Variants in TRPC5 observed in about 807,000 individuals in gnomAD.
The protein encoded by TRPC5 is short transient receptor potential channel 5.
Under a neutral mutation model 56.5 loss-of-function variants are expected in TRPC5, and 9 were observed. The ratio of observed to expected loss-of-function variants is 0.16; its 90% confidence interval spans 0.10 to 0.28. TRPC5 has a LOEUF of 0.28. TRPC5 is among the 10% of genes least tolerant of loss of function. The pLI, the probability that TRPC5 is intolerant of heterozygous loss-of-function variation, is 1.00. For missense variants in TRPC5, 469 were observed against 748.9 expected (o/e 0.63, Z 4.36); for synonymous variants, 282 against 278.5 (o/e 1.01, Z -0.13).
intron 7 of TRPC5, among the ~76,000 whole-genome samples, chrX:111,786,209 C>T (rs368668630): frequency 1.6e-3 from 182 of 111,582 alleles, no homozygotes; most frequent in African/African-American, 5.5e-3. Context: ...AGACTAACAA[C>T]GGACCTCTCG....
In TRPC5 at chrX:111,773,501, C is replaced by T. The variant is rs1232738373; in HGVS notation, c.*2812G>A. Among the ~76,000 whole-genome samples, 2 of 111,737 alleles carry T rather than the reference C, an allele frequency of 1.8e-5. No individual in the cohort carries two copies. The highest frequency in any genetic ancestry group is 3.8e-5 in the Non-Finnish European group (2 of 53,123). Reference sequence around the variant, plus strand: ...ACTTTGCAGTACATTTTTAACTTCACATTTAAATATGTAAGTCTGAAGTTT... The same window carrying T: ...ACTTTGCAGTACATTTTTAACTTCATATTTAAATATGTAAGTCTGAAGTTT... On this transcript the variant is annotated 3_prime_UTR_variant, in exon 11 of 11. Transcript: ENST00000262839.
At position 111,768,295 on chromosome X, in the gene TRPC5, T is replaced by TA. The variant is rs1945824898; in HGVS notation, c.*8017dup. Among the ~76,000 whole-genome samples the TA allele has an allele frequency of 8.9e-6, 1 of 112,117 alleles. No individual in the cohort carries two copies. The highest frequency in any genetic ancestry group is 3.2e-5 in the African/African-American group (1 of 30,918). On this transcript the variant is annotated 3_prime_UTR_variant, in exon 11 of 11. Transcript: ENST00000262839. ...ATTTGACACACTTTCTATATGGTGA[T>TA]ATGTGGTTGGGGCTGCCAACTAGGC... is the stretch of plus-strand genomic sequence containing the variant.
At chrX:111,786,265 AT>A (rs1164936152) in intron 7 of TRPC5, among the ~76,000 whole-genome samples, 5 of 111,553 alleles carry the variant, frequency 4.5e-5, no homozygotes, top group African/African-American at 1.3e-4. Context: ...AATATTCAAC[AT>A]TCTGAAAGAA....
chrX:112,048,946 A>G (rs1363956245), intron 1 of TRPC5, among the ~76,000 whole-genome samples: 1 of 112,103 alleles, frequency 8.9e-6, no homozygotes, highest in Non-Finnish European at 1.9e-5. Context: ...GTGGCCAATG[A>G]GTTTGGGTCA....
chrX:111,991,869 G>A (rs1465385917), intron 1 of TRPC5, among the ~76,000 whole-genome samples: 1 of 111,782 alleles, frequency 8.9e-6, no homozygotes, highest in Non-Finnish European at 1.9e-5. Flanking sequence ...AAGATCCCTA[G>A]GGTTTCAGGC....
intron 7 of TRPC5, among the ~76,000 whole-genome samples, chrX:111,793,798 C>A (rs1245876825): frequency 8.9e-6 from 1 of 111,824 alleles, no homozygotes; most frequent in Non-Finnish European, 1.9e-5. Context: ...TGAAAATAAC[C>A]CAAATGTCTA....
intron 2 of TRPC5, among the ~76,000 whole-genome samples, chrX:111,937,152 G>T (rs1180219001): frequency 5.6e-5 from 6 of 106,407 alleles, no homozygotes; most frequent in Non-Finnish European, 1.2e-4. Flanking sequence ...CTTTTGAGAA[G>T]TGTCTGTTCA....
chrX:111,847,742 G>A (rs758130341), intron 5 of TRPC5, among the ~76,000 whole-genome samples: 2 of 111,880 alleles, frequency 1.8e-5, no homozygotes, highest in Non-Finnish European at 3.8e-5. Context: ...TTTTCTAACT[G>A]TGGGTTTAAC....
At chrX:111,983,550 T>C (rs964739690) in intron 1 of TRPC5, among the ~76,000 whole-genome samples, 1 of 111,847 alleles carries the variant, frequency 8.9e-6, no homozygotes, top group African/African-American at 3.3e-5. Flanking sequence ...TCATAAATTT[T>C]CTAATCATGT....
At chrX:112,041,849 T>C (rs1229725788) in intron 1 of TRPC5, among the ~76,000 whole-genome samples, 1 of 111,788 alleles carries the variant, frequency 8.9e-6, no homozygotes, top group Non-Finnish European at 1.9e-5. Flanking sequence ...TATAGCTCTG[T>C]AGTAGGAAAG....
At chrX:111,927,631 G>A (rs187869844) in intron 2 of TRPC5, among the ~76,000 whole-genome samples, 1 of 110,935 alleles carries the variant, frequency 9.0e-6, no homozygotes, top group East Asian at 2.8e-4. Context: ...GGTCATTATG[G>A]AGACTGCCTC....
At chrX:111,874,298 C>G (rs115750102) in intron 3 of TRPC5, among the ~76,000 whole-genome samples, 6,083 of 112,097 alleles carry the variant, frequency 0.054, 407 homozygotes, top group African/African-American at 0.19. Context: ...ATAATGAAGT[C>G]AAGAGACTTT....
At chrX:111,905,766 T>A (rs1194145673) in intron 3 of TRPC5, among the ~76,000 whole-genome samples, 12 of 109,004 alleles carry the variant, frequency 1.1e-4, no homozygotes, top group Non-Finnish European at 1.9e-4. Flanking sequence ...TACAAAAAAA[T>A]TAGCTGGGCG....
At chrX:111,920,664 G>C (rs773891639) in intron 2 of TRPC5, among the ~76,000 whole-genome samples, 1 of 111,254 alleles carries the variant, frequency 9.0e-6, no homozygotes, top group African/African-American at 3.3e-5. Context: ...CTGAGCGGGG[G>C]GTATTTACAT....
chrX:111,882,013 T>C (rs1924247571), intron 3 of TRPC5: 1 of 109,462 alleles, frequency 9.1e-6, no homozygotes, highest in South Asian at 4.0e-4. Flanking sequence ...TGCAGTGTGG[T>C]AAGGTAGGTA....
intron 1 of TRPC5, among the ~76,000 whole-genome samples, chrX:111,983,374 A>C (rs989260043): frequency 3.6e-5 from 4 of 111,554 alleles, no homozygotes; most frequent in African/African-American, 1.3e-4. Flanking sequence ...GGCTGAGTAA[A>C]GAGCCTGACT....
At position 111,839,710 on chromosome X, in the gene TRPC5, A is replaced by ATATT. The variant is rs910517688; in HGVS notation, c.1701-4598_1701-4595dup. On this transcript the variant is annotated intron_variant, in intron 6 of 10. Coordinates refer to ENST00000262839, the MANE Select transcript of TRPC5 (RefSeq NM_012471.3). The stretch of plus-strand genomic sequence containing the variant: ...CATATACTTTTTCATTTTTATTTTT[A>ATATT]TATTTATTTATTTATTTATTTTTAG... 2.0e-4 allele frequency among the ~76,000 whole-genome samples: 22 copies of ATATT among 110,555 alleles called. No individual in the cohort carries two copies. The East Asian group carries it at 5.7e-3, about 28-fold the overall frequency.
rs917710664 is a variant in TRPC5, at chrX:111,940,041, T to C, written c.378+12002A>G. On this transcript the variant is annotated intron_variant, in intron 2 of 10. Coordinates refer to ENST00000262839, the MANE Select transcript of TRPC5 (RefSeq NM_012471.3). Reference sequence around the variant, plus strand: ...TTATAGCTATAAACTTTCCTTTTAGTAGTGCCTTCCTTGTATCCTATAAAT... The same window carrying C: ...TTATAGCTATAAACTTTCCTTTTAGCAGTGCCTTCCTTGTATCCTATAAAT... 5.4e-5 allele frequency among the ~76,000 whole-genome samples: 6 copies of C among 112,048 alleles called. 1 individual carries two copies. Among genetic ancestry groups the C allele is most frequent in the Non-Finnish European group, 1.1e-4 (6 of 53,240 alleles).
intron 7 of TRPC5, among the ~76,000 whole-genome samples, chrX:111,790,793 G>T (rs1305668924): frequency 9.1e-6 from 1 of 110,212 alleles, no homozygotes; most frequent in Non-Finnish European, 1.9e-5. Context: ...GGCCAAAGCT[G>T]GGGATCAGTT....
Sources: allele counts gnomAD v4.1 joint callset (sites outside exome capture counted in the v4.1 genomes callset), GRCh38; gene constraint gnomAD v4.1.1; transcripts MANE v1.5; gene names NCBI Gene and HGNC (gene_info 2026-07-23, HGNC 2026-07-21).